Variants in THSD7B observed in about 807,000 individuals in gnomAD.
The protein encoded by THSD7B is thrombospondin type 1 domain containing 7B, also known as thrombospondin type-1 domain-containing protein 7B.
A neutral mutation model predicts 213.6 loss-of-function variants in THSD7B; 138 were observed. The observed-to-expected ratio is 0.65, with a 90% confidence interval of 0.56 to 0.74. The LOEUF is 0.74. Ranked by LOEUF, THSD7B falls within the 30% of genes least tolerant of loss-of-function variation. THSD7B has a pLI of 0.00. For missense variants in THSD7B, 1,931 were observed against 1,991.5 expected (o/e 0.97, Z 0.58); for synonymous variants, 742 against 687.0 (o/e 1.08, Z -1.25).
intron 7 of THSD7B, among the ~76,000 whole-genome samples, chr2:137,172,829 A>T (rs190064091): frequency 6.6e-6 from 1 of 152,262 alleles, no homozygotes; most frequent in Admixed American, 6.5e-5. Flanking sequence ...CTCCAAATAG[A>T]TAGTGTTAGA....
intron 12 of THSD7B, among the ~76,000 whole-genome samples, chr2:137,326,781 CA>C (rs1183845911): frequency 6.6e-6 from 1 of 152,150 alleles, no homozygotes; most frequent in Non-Finnish European, 1.5e-5. Context: ...TGGATGTACA[CA>C]AGTGAATATA....
At chr2:137,602,253 T>TTTTTTG (rs1344547568) in intron 17 of THSD7B, among the ~76,000 whole-genome samples, 5 of 152,080 alleles carry the variant, frequency 3.3e-5, no homozygotes, top group Admixed American at 1.3e-4. Flanking sequence ...TCTTTCTCGT[T>TTTTTTG]TTTTTGTTTT....
At chr2:137,298,183 A>G (rs1466208122) in intron 12 of THSD7B, among the ~76,000 whole-genome samples, 2 of 152,102 alleles carry the variant, frequency 1.3e-5, no homozygotes, top group Non-Finnish European at 2.9e-5. Flanking sequence ...TTGTTTGGGA[A>G]TGGGAGCAAA....
At chr2:137,401,678 C>T (rs1349270434) in intron 12 of THSD7B, among the ~76,000 whole-genome samples, 1 of 148,452 alleles carries the variant, frequency 6.7e-6, no homozygotes, top group African/African-American at 2.5e-5. Context: ...TTTCAATGGC[C>T]TTCATCCTTG....
intron 5 of THSD7B, among the ~76,000 whole-genome samples, chr2:137,118,045 A>G (rs114359956): frequency 5.1e-4 from 78 of 152,324 alleles, no homozygotes; most frequent in African/African-American, 1.9e-3. Flanking sequence ...AATGCAGCCA[A>G]AATAGTGCTG....
intron 5 of THSD7B, among the ~76,000 whole-genome samples, chr2:137,131,497 G>A (rs909544618): frequency 1.0e-3 from 156 of 152,240 alleles, no homozygotes; most frequent in Admixed American, 5.0e-3. Flanking sequence ...TTCTTCTAGG[G>A]TTTTAATGGT....
At position 136,800,980 on chromosome 2, in the gene THSD7B, A is replaced by G. The variant is rs1354797434; in HGVS notation, c.-36+35293A>G. On this transcript the variant is annotated intron_variant, in intron 1 of 27. Transcript: ENST00000409968. ...CAACACACCCAGAGTCACCTTATTC[A>G]TGAAGACTTTCATGACTTTGCCAGG... 2.0e-5 allele frequency among the ~76,000 whole-genome samples: 3 copies of G among 152,048 alleles called. No homozygotes were observed. The East Asian group carries it at 5.8e-4, about 29-fold the overall frequency.
At chr2:137,385,097 C>G (rs1685861451) in intron 12 of THSD7B, among the ~76,000 whole-genome samples, 1 of 152,116 alleles carries the variant, frequency 6.6e-6, no homozygotes, top group Non-Finnish European at 1.5e-5. Flanking sequence ...AGCCAAGGCC[C>G]CTGCTGGCTG....
At chr2:137,253,308 G>A (rs1448707402) in intron 10 of THSD7B, among the ~76,000 whole-genome samples, 1 of 152,160 alleles carries the variant, frequency 6.6e-6, no homozygotes, top group Non-Finnish European at 1.5e-5. Flanking sequence ...ATAAGCAAAT[G>A]TAGGTTTAGT....
chr2:137,217,234 C>T (rs923095837), intron 7 of THSD7B, among the ~76,000 whole-genome samples: 2 of 152,142 alleles, frequency 1.3e-5, no homozygotes, highest in African/African-American at 4.8e-5. Context: ...TTCATATGCC[C>T]ATTATTTTTT....
At chr2:137,221,359 T>A (rs11899747) in intron 7 of THSD7B, among the ~76,000 whole-genome samples, 90,770 of 151,982 alleles carry the variant, frequency 0.6, 27,520 homozygotes, top group South Asian at 0.71. Context: ...GGGGGACCCC[T>A]CAAGGGAAGT....
intron 25 of THSD7B, 121 bp downstream of exon 25, chr2:137,659,867 A>G: frequency 1.2e-6 from 1 of 813,052 alleles, no homozygotes; most frequent in Non-Finnish European, 1.9e-6. Context: ...GATACCATCT[A>G]GAGGCATTTG....
intron 25 of THSD7B, 64 bp downstream of exon 25, chr2:137,659,810 A>T: frequency 4.1e-6 from 6 of 1,477,664 alleles, no homozygotes; most frequent in Non-Finnish European, 5.5e-6. Flanking sequence ...ATGCAATCAG[A>T]TGTTCTCCTG....
At chr2:137,437,139 T>A (rs1687311408) in intron 14 of THSD7B, among the ~76,000 whole-genome samples, 1 of 152,194 alleles carries the variant, frequency 6.6e-6, no homozygotes, top group African/African-American at 2.4e-5. Flanking sequence ...ACTAGAAAGA[T>A]GAATGCAAAG....
At chr2:136,960,951 A>T (rs1054301964) in intron 2 of THSD7B, among the ~76,000 whole-genome samples, 12 of 151,366 alleles carry the variant, frequency 7.9e-5, no homozygotes, top group African/African-American at 1.9e-4. Flanking sequence ...TAGCTGGGCA[A>T]GGTGGCGGGC....
chr2:136,972,733 G>T (rs1265073749), intron 2 of THSD7B, among the ~76,000 whole-genome samples: 1 of 152,120 alleles, frequency 6.6e-6, no homozygotes, highest in Non-Finnish European at 1.5e-5. Flanking sequence ...CAGTACTAAA[G>T]GATTAAAATG....
chr2:137,604,038 G>A (rs926291961), intron 17 of THSD7B, among the ~76,000 whole-genome samples: 1 of 152,016 alleles, frequency 6.6e-6, no homozygotes, highest in African/African-American at 2.4e-5. Context: ...TTGAACCTGG[G>A]AGGTGGAGAT....
intron 10 of THSD7B, among the ~76,000 whole-genome samples, chr2:137,264,453 T>C (rs879399759): frequency 3.3e-5 from 5 of 152,128 alleles, no homozygotes; most frequent in African/African-American, 4.8e-5. Flanking sequence ...TTTCACTGTG[T>C]TAGCCGGGAT....
chr2:137,367,121 A>G (rs1372756090), intron 12 of THSD7B, among the ~76,000 whole-genome samples: 1 of 151,994 alleles, frequency 6.6e-6, no homozygotes, highest in African/African-American at 2.4e-5. Context: ...GGCATCCATG[A>G]TGCATCAAGT....
Sources: gnomAD v4.1 joint callset for allele counts (sites outside exome capture counted in the v4.1 genomes callset) on GRCh38, gnomAD v4.1.1 for gene constraint, MANE v1.5 for transcripts, NCBI Gene and HGNC (gene_info 2026-07-23, HGNC 2026-07-21) for gene names.